Variants in GRM5 observed in about 807,000 individuals in gnomAD.
GRM5 encodes the protein glutamate metabotropic receptor 5.
In GRM5, 19 loss-of-function variants were observed where a neutral mutation model predicts 83.1. The ratio of observed to expected loss-of-function variants is 0.23; its 90% CI spans 0.16 to 0.34. GRM5 has a LOEUF of 0.34. GRM5 is among the 10% of genes least tolerant of loss of function. The pLI, the probability that GRM5 is intolerant of heterozygous loss-of-function variation, is 1.00. For synonymous variants in GRM5, 675 were observed against 633.6 expected (o/e 1.07, Z -0.98); for missense variants, 1,160 against 1,588.3 (o/e 0.73, Z 4.58).
intron 4 of GRM5, among the ~76,000 whole-genome samples, chr11:88,623,509 C>A (rs1052008802): frequency 6.6e-6 from 1 of 152,086 alleles, no homozygotes; most frequent in Non-Finnish European, 1.5e-5. Flanking sequence ...ATACAAATTG[C>A]TTTTCTAATT....
At chr11:88,713,502 CA>C (rs540638238) in intron 3 of GRM5, among the ~76,000 whole-genome samples, 20 of 152,072 alleles carry the variant, frequency 1.3e-4, no homozygotes, top group African/African-American at 4.6e-4. Flanking sequence ...GAAGGACACA[CA>C]AAGAAACAGA....
chr11:88,873,273 A>C (rs763666492), intron 2 of GRM5, among the ~76,000 whole-genome samples: 1 of 151,642 alleles, frequency 6.6e-6, no homozygotes, highest in Admixed American at 6.6e-5. Flanking sequence ...GTGGGTTTCA[A>C]CACCCCACTT....
chr11:88,560,063 C>T (rs1419757655), intron 8 of GRM5, among the ~76,000 whole-genome samples: 1 of 151,900 alleles, frequency 6.6e-6, no homozygotes, highest in Non-Finnish European at 1.5e-5. Context: ...GGCCATAGAG[C>T]AAGGAAATTG....
intron 2 of GRM5, among the ~76,000 whole-genome samples, chr11:89,015,471 T>A (rs560814842): frequency 1.3e-5 from 2 of 152,304 alleles, no homozygotes; most frequent in South Asian, 4.1e-4. Flanking sequence ...GCAGTGTTTT[T>A]AAAGACATAT....
rs1942897425 is a variant in GRM5, at chr11:88,567,334, A to G, written c.2349T>C (p.Ile783=). ...YIAFTMYTTC[I]IWLAFVPIYF... Reference sequence around the variant, plus strand: ...AGATTGGCACAAAAGCTAGCCATATAATGCAGGTCGTGTACATTGTGAAGG... The same window carrying G: ...AGATTGGCACAAAAGCTAGCCATATGATGCAGGTCGTGTACATTGTGAAGG... The change falls in exon 8 of 10, where the codon ATT becomes ATC. Residue 783 remains isoleucine (I), a synonymous_variant. Transcript: ENST00000305447. This position sits in a 1 kb window ranked among gnomAD's most constrained non-coding sequence, Gnocchi z 7.3. 1.7e-5 allele frequency: 27 copies of G among 1,614,114 alleles called. No homozygotes were observed. Among genetic ancestry groups the G allele is most frequent in the East Asian group, 2.2e-5 (1 of 44,888 alleles).
At position 88,781,568 on chromosome 11, in the gene GRM5, T is replaced by TTTATG. The variant is rs879284374; in HGVS notation, c.911+68337_911+68338insCATAA. ...GGCAGGCTGATTGTCCTGGCTATGA[T>TTTATG]TCCAGTCATCATAAATACATTTGAT... On this transcript the variant is annotated intron_variant, in intron 3 of 9. Coordinates refer to ENST00000305447, the MANE Select transcript of GRM5 (RefSeq NM_001143831.3). 5.7e-3 allele frequency among the ~76,000 whole-genome samples: 862 copies of TTTATG among 152,306 alleles called. 15 individuals are homozygous for TTTATG. In the East Asian group the frequency reaches 0.071, roughly 12 times the overall value.
chr11:88,520,914 G>T (rs1433961835), intron 9 of GRM5, among the ~76,000 whole-genome samples: 1 of 152,130 alleles, frequency 6.6e-6, no homozygotes, highest in African/African-American at 2.4e-5. Flanking sequence ...AAAGTTAATA[G>T]TTTGCATAGC....
intron 4 of GRM5, among the ~76,000 whole-genome samples, chr11:88,638,562 C>CT (rs1441478546): frequency 6.6e-6 from 1 of 151,998 alleles, no homozygotes; most frequent in Non-Finnish European, 1.5e-5. Context: ...GAATTGATGT[C>CT]TGTTTTTCCT....
At chr11:88,629,143 T>C (rs1938887571) in intron 4 of GRM5, among the ~76,000 whole-genome samples, 1 of 152,196 alleles carries the variant, frequency 6.6e-6, no homozygotes, top group Admixed American at 6.5e-5. Flanking sequence ...GATATCTGGA[T>C]CTGATGGTTA....
chr11:88,822,676 G>A (rs911291687), intron 3 of GRM5, among the ~76,000 whole-genome samples: 2 of 151,788 alleles, frequency 1.3e-5, no homozygotes, highest in African/African-American at 4.8e-5. Flanking sequence ...TGACTCTTCC[G>A]GTTCCTGAAT....
At chr11:88,924,894 T>G (rs1169366510) in intron 2 of GRM5, among the ~76,000 whole-genome samples, 1 of 152,040 alleles carries the variant, frequency 6.6e-6, no homozygotes, top group Non-Finnish European at 1.5e-5. Context: ...AGCATTTCAC[T>G]ATGTATATGT....
intron 3 of GRM5, among the ~76,000 whole-genome samples, chr11:88,714,208 T>A (rs1941349023): frequency 6.6e-6 from 1 of 152,072 alleles, no homozygotes; most frequent in East Asian, 1.9e-4. Flanking sequence ...CACAACAGGC[T>A]ACAGTAGGCT....
At chr11:88,812,304 T>C (rs906115763) in intron 3 of GRM5, among the ~76,000 whole-genome samples, 2 of 152,036 alleles carry the variant, frequency 1.3e-5, no homozygotes, top group Non-Finnish European at 2.9e-5. Context: ...ATTATAGTGA[T>C]ACGTCAACTG....
intron 3 of GRM5, among the ~76,000 whole-genome samples, chr11:88,662,503 T>C (rs1191356675): frequency 6.6e-6 from 1 of 152,100 alleles, no homozygotes; most frequent in Non-Finnish European, 1.5e-5. Context: ...CCTCTCTTAG[T>C]TATTCAATCA....
intron 2 of GRM5, among the ~76,000 whole-genome samples, chr11:89,012,539 T>A (rs920933245): frequency 3.3e-5 from 5 of 152,204 alleles, no homozygotes; most frequent in African/African-American, 1.2e-4. Flanking sequence ...ATAATTACCT[T>A]ATGACTCTAC....
At chr11:88,645,305 A>T (rs1218677278) in intron 4 of GRM5, among the ~76,000 whole-genome samples, 1 of 152,154 alleles carries the variant, frequency 6.6e-6, no homozygotes, top group Non-Finnish European at 1.5e-5. Context: ...AAAGTGAGAA[A>T]ATTAAAGTCA....
intron 3 of GRM5, among the ~76,000 whole-genome samples, chr11:88,841,214 C>CTGTTTTTTT (rs1565256749): frequency 6.6e-6 from 1 of 152,116 alleles, no homozygotes; most frequent in Non-Finnish European, 1.5e-5. Context: ...CATTAAAAAC[C>CTGTTTTTTT]TGTTACAGCA....
chr11:88,937,374 T>G (rs1937937575), intron 2 of GRM5, among the ~76,000 whole-genome samples: 1 of 151,756 alleles, frequency 6.6e-6, no homozygotes, highest in African/African-American at 2.4e-5. Context: ...TTTGCTTTAC[T>G]TGTCTTCTTT....
At chr11:88,639,417 T>C (rs961024228) in intron 4 of GRM5, among the ~76,000 whole-genome samples, 1 of 152,162 alleles carries the variant, frequency 6.6e-6, no homozygotes, top group Non-Finnish European at 1.5e-5. Context: ...AATAATGTCT[T>C]CATTGTTTGA....
Sources: allele counts gnomAD v4.1 joint callset (sites outside exome capture counted in the v4.1 genomes callset), GRCh38; gene constraint gnomAD v4.1.1; non-coding constraint Gnocchi (gnomAD v3.1); transcripts MANE v1.5; gene names NCBI Gene and HGNC (gene_info 2026-07-23, HGNC 2026-07-21).